Variants in TBL1XR1 observed in about 807,000 individuals in gnomAD.
TBL1XR1 encodes F-box-like/WD repeat-containing protein TBL1XR1.
A neutral mutation model predicts 66.9 loss-of-function variants in TBL1XR1; 5 were observed. The observed-to-expected ratio is 0.07, with a 90% CI of 0.04 to 0.16. The LOEUF (loss-of-function observed/expected upper bound fraction) is 0.16, where lower values mean the gene tolerates loss of function less well. Ranked by LOEUF, TBL1XR1 falls within the 10% of genes least tolerant of loss-of-function variation. TBL1XR1 has a pLI of 1.00. For synonymous variants in TBL1XR1, 210 were observed against 206.0 expected, an observed-to-expected ratio of 1.02 and a Z score of -0.17; for missense variants, 238 against 623.2, an observed-to-expected ratio of 0.38 and a Z score of 6.58.
chr3:177,173,319 AG>A (rs1268886812), intron 1 of TBL1XR1, among the ~76,000 whole-genome samples: 2 of 152,226 alleles, frequency 1.3e-5, no homozygotes, highest in African/African-American at 4.8e-5. Flanking sequence ...CATGAGGGCT[AG>A]ATTAGTAGAC....
chr3:177,138,742 CA>C (rs775365640), intron 1 of TBL1XR1, among the ~76,000 whole-genome samples: 1 of 151,652 alleles, frequency 6.6e-6, no homozygotes, highest in African/African-American at 2.4e-5. Context: ...GGGCTGGAAG[CA>C]AAAAGGGAGA....
chr3:177,066,501 G>T (rs780480204), intron 2 of TBL1XR1, among the ~76,000 whole-genome samples: 1 of 152,166 alleles, frequency 6.6e-6, no homozygotes, highest in Non-Finnish European at 1.5e-5. Flanking sequence ...GACGAGTAAG[G>T]CTTGAAATGC....
intron 1 of TBL1XR1, among the ~76,000 whole-genome samples, chr3:177,134,277 G>A (rs1395795781): frequency 1.8e-4 from 27 of 152,078 alleles, no homozygotes. Context: ...CAAAAAACCT[G>A]GAGTCAAGGA....
At chr3:177,037,810 T>C in intron 12 of TBL1XR1, 1 of 190,730 alleles carries the variant, frequency 5.2e-6, no homozygotes, top group Non-Finnish European at 9.8e-6. Context: ...CCATCCATCT[T>C]CTTATTGGTT....
At chr3:177,150,843 C>G in intron 1 of TBL1XR1, among the ~76,000 whole-genome samples, 1 of 152,278 alleles carries the variant, frequency 6.6e-6, no homozygotes, top group Non-Finnish European at 1.5e-5. Context: ...TAAGGAGAAA[C>G]AGTCACAAAG....
At chr3:177,098,422 CAA>C in intron 2 of TBL1XR1, 42 bp downstream of exon 2, 4 of 957,968 alleles carry the variant, frequency 4.2e-6, no homozygotes, top group Non-Finnish European at 5.0e-6. Context: ...ATTCTAAAAA[CAA>C]GAGAATAAGA....
intron 1 of TBL1XR1, among the ~76,000 whole-genome samples, chr3:177,172,975 C>T (rs1325499814): frequency 6.6e-6 from 1 of 152,076 alleles, no homozygotes; most frequent in Non-Finnish European, 1.5e-5. Flanking sequence ...GAGTTCAAGA[C>T]CAGCCTGAAC....
rs570313413 is a variant in TBL1XR1, at chr3:177,109,010, C to T, written c.-121-10469G>A. Among the ~76,000 whole-genome samples the T allele has an allele frequency of 1.2e-4, 18 of 152,136 alleles. No individual in the cohort carries two copies. In the East Asian group the frequency reaches 2.7e-3, roughly 23 times the overall value. The stretch of plus-strand genomic sequence containing the variant: ...TTGATGGGATAAGGATATCTGGATA[C>T]CAAAAATCACTTCTATAATAGAGAT... On this transcript the variant is annotated intron_variant, in intron 1 of 15. Transcript: ENST00000457928.
intron 1 of TBL1XR1, among the ~76,000 whole-genome samples, chr3:177,100,277 A>T (rs1298807123): frequency 6.6e-6 from 1 of 152,218 alleles, no homozygotes; most frequent in African/African-American, 2.4e-5. Context: ...TAAAAGATAG[A>T]TAAATTATTT....
chr3:177,155,032 G>A (rs1731327130), intron 1 of TBL1XR1, among the ~76,000 whole-genome samples: 1 of 152,014 alleles, frequency 6.6e-6, no homozygotes, highest in Middle Eastern at 3.2e-3. Context: ...GCTCAAAGAA[G>A]AAATCACAAT....
chr3:177,130,052 G>A (rs576715773), intron 1 of TBL1XR1, among the ~76,000 whole-genome samples: 13 of 150,480 alleles, frequency 8.6e-5, no homozygotes, highest in Admixed American at 2.7e-4. Context: ...GATGGAGGCT[G>A]GAGAATCGCT....
rs1298207000 is a variant in TBL1XR1, at chr3:177,023,035, A to C, written c.*2463T>G. 1 of 152,198 alleles carries C rather than the reference A, an allele frequency of 6.6e-6. No homozygotes were observed. The highest frequency in any genetic ancestry group is 1.5e-5 in the Non-Finnish European group (1 of 67,944). 9.4% of individuals were successfully genotyped at this position (152,198 alleles called of 1,614,324 possible). On this transcript the variant is annotated 3_prime_UTR_variant, in exon 16 of 16. Transcript: ENST00000457928. ...GCTAAAGAAAAAAAAGAAAAAAAAA[A>C]CAGAAAAGATGACAATATCATAAAA...
At chr3:177,042,915 A>T (rs189874693) in intron 10 of TBL1XR1, among the ~76,000 whole-genome samples, 175 of 151,372 alleles carry the variant, frequency 1.2e-3, no homozygotes, top group East Asian at 6.8e-3. Flanking sequence ...TTTATTTTTA[A>T]AAAAAAAAGC....
intron 1 of TBL1XR1, among the ~76,000 whole-genome samples, chr3:177,159,531 A>G (rs2108883127): frequency 6.6e-6 from 1 of 152,182 alleles, no homozygotes; most frequent in East Asian, 1.9e-4. Flanking sequence ...CAAAATTCTC[A>G]TCACATTTTC....
chr3:177,087,239 T>A (rs536538369), intron 2 of TBL1XR1, among the ~76,000 whole-genome samples: 1 of 151,702 alleles, frequency 6.6e-6, no homozygotes, highest in African/African-American at 2.4e-5. Flanking sequence ...AAAAAAAAAT[T>A]AAACTAATCA....
intron 2 of TBL1XR1, among the ~76,000 whole-genome samples, chr3:177,080,250 G>A (rs1032848645): frequency 1.3e-5 from 2 of 152,110 alleles, no homozygotes; most frequent in East Asian, 1.9e-4. Flanking sequence ...AACATTATCA[G>A]GCTTTATCAT....
At chr3:177,173,045 G>C (rs1417909662) in intron 1 of TBL1XR1, among the ~76,000 whole-genome samples, 2 of 151,990 alleles carry the variant, frequency 1.3e-5, no homozygotes, top group African/African-American at 4.8e-5. Context: ...AAATTAGCCG[G>C]GCGTGGTGAT....
intron 2 of TBL1XR1, among the ~76,000 whole-genome samples, chr3:177,092,343 C>T (rs1722942372): frequency 6.6e-6 from 1 of 151,928 alleles, no homozygotes; most frequent in Non-Finnish European, 1.5e-5. Flanking sequence ...TAGCTATAAC[C>T]ACCAATTTAC....
At chr3:177,175,366 C>T (rs1365809516) in intron 1 of TBL1XR1, among the ~76,000 whole-genome samples, 1 of 152,118 alleles carries the variant, frequency 6.6e-6, no homozygotes, top group Non-Finnish European at 1.5e-5. Context: ...ATTCTCTCTT[C>T]CATGAAACAG....
Sources: allele counts gnomAD v4.1 joint callset (sites outside exome capture counted in the v4.1 genomes callset), GRCh38; gene constraint gnomAD v4.1.1; transcripts MANE v1.5; gene names NCBI Gene and HGNC (gene_info 2026-07-23, HGNC 2026-07-21).